Variants in FHDC1 observed in about 807,000 individuals in gnomAD.
FHDC1 encodes the protein FH2 domain containing 1, also known as FH2 domain-containing protein 1.
Under a neutral mutation model 52.6 loss-of-function variants are expected in FHDC1, and 25 were observed. The ratio of observed to expected loss-of-function variants is 0.48; its 90% CI spans 0.35 to 0.66. The LOEUF is 0.66. FHDC1 is among the 30% of genes least tolerant of loss of function. FHDC1 has a pLI of 0.01. For synonymous variants in FHDC1, 616 were observed against 581.5 expected, an observed-to-expected ratio of 1.06 and a Z score of -0.85; for missense variants, 1,459 against 1,452.8, an observed-to-expected ratio of 1.00 and a Z score of -0.07.
intron 4 of FHDC1, among the ~76,000 whole-genome samples, chr4:152,956,619 C>T (rs764770878): frequency 2.0e-5 from 3 of 152,066 alleles, no homozygotes; most frequent in Non-Finnish European, 2.9e-5. Context: ...CTTGAATCCC[C>T]GAGACTCTGT....
At chr4:152,927,619 A>G in the FHDC1 span, 8 of 1,605,706 alleles carry the variant, frequency 5.0e-6, no homozygotes, top group Non-Finnish European at 6.8e-6. Flanking sequence ...ATGAAAGGCT[A>G]CAGGAACAGA....
chr4:152,935,385 T>C (rs1442790979), upstream of FHDC1, among the ~76,000 whole-genome samples: 1 of 152,118 alleles, frequency 6.6e-6, no homozygotes, highest in African/African-American at 2.4e-5. Context: ...ACAGTGGATT[T>C]TCGGTCAGCC....
At chr4:152,936,800 C>G (rs538140578) in intron 1 of FHDC1, among the ~76,000 whole-genome samples, 259 of 152,384 alleles carry the variant, frequency 1.7e-3, no homozygotes, top group Admixed American at 4.7e-3. Context: ...ATCAACCGCC[C>G]CCTAGTTTAT....
intron 2 of FHDC1, among the ~76,000 whole-genome samples, chr4:152,952,322 A>G (rs1739951450): frequency 6.6e-6 from 1 of 152,122 alleles, no homozygotes; most frequent in Non-Finnish European, 1.5e-5. Flanking sequence ...TCTCAGTTCA[A>G]ATCTCACGCG....
At chr4:152,954,999 T>G (rs1176000706) in intron 4 of FHDC1, among the ~76,000 whole-genome samples, 4 of 152,084 alleles carry the variant, frequency 2.6e-5, no homozygotes, top group Non-Finnish European at 4.4e-5. Context: ...ACGTGGGAGC[T>G]CAATAAATTC....
chr4:152,970,373 T>C (rs1312240609), intron 10 of FHDC1, among the ~76,000 whole-genome samples: 1 of 152,230 alleles, frequency 6.6e-6, no homozygotes, highest in East Asian at 1.9e-4. Context: ...CCTAATCATG[T>C]AGAACTCCTG....
chr4:152,946,176 G>T (rs976004805), intron 2 of FHDC1, among the ~76,000 whole-genome samples: 1 of 152,192 alleles, frequency 6.6e-6, no homozygotes, highest in Non-Finnish European at 1.5e-5. Context: ...GAATAATGCC[G>T]CTGTGTACAT....
At chr4:152,932,773 G>A (rs558258808), upstream of FHDC1, among the ~76,000 whole-genome samples, 11 of 152,176 alleles carry the variant, frequency 7.2e-5, no homozygotes, top group Non-Finnish European at 1.5e-4. Context: ...CTCCTTAAGC[G>A]AATACTAAAA....
In FHDC1 at chr4:152,976,837, C is replaced by A; in HGVS notation, c.*114C>A. ...GTTACAGATAAAGCAGCCACTGGTG[C>A]CACTGCTAGTGACGCTGTTGGGATG... On this transcript the variant is annotated 3_prime_UTR_variant, in exon 12 of 12. Coordinates refer to ENST00000511601, the MANE Select transcript of FHDC1 (RefSeq NM_001371116.1). The A allele has an allele frequency of 1.5e-6, 2 of 1,328,944 alleles. No homozygotes were observed. Among genetic ancestry groups the A allele is most frequent in the Non-Finnish European group, 2.0e-6 (2 of 1,001,988 alleles). 82.3% of individuals were successfully genotyped at this position (1,328,944 alleles called of 1,614,324 possible). A position where few individuals can be genotyped will look rare whatever the true frequency, so the allele number is the denominator to read the frequency against.
the FHDC1 span, among the ~76,000 whole-genome samples, chr4:152,926,649 T>C: frequency 6.6e-6 from 1 of 152,018 alleles, no homozygotes; most frequent in Non-Finnish European, 1.5e-5. Context: ...TAAAAAATCT[T>C]TCCCTTTTTT....
At chr4:152,952,226 C>T (rs1473384485) in intron 2 of FHDC1, among the ~76,000 whole-genome samples, 1 of 152,242 alleles carries the variant, frequency 6.6e-6, no homozygotes, top group East Asian at 1.9e-4. Flanking sequence ...AATGATGTTT[C>T]CGAAATATGA....
chr4:152,974,176 G>A (rs1164537888), intron 11 of FHDC1, among the ~76,000 whole-genome samples: 4 of 152,332 alleles, frequency 2.6e-5, no homozygotes, highest in Middle Eastern at 3.4e-3. Flanking sequence ...GATCCATGCT[G>A]CACAGAAGTA....
At position 152,943,420 on chromosome 4, in the gene FHDC1, C is replaced by T. The variant is rs1274862430; in HGVS notation, c.363C>T (p.Ala121=). The change falls in exon 2 of 12, where the codon GCC becomes GCT. Residue 121 remains alanine (A), a synonymous_variant. Coordinates refer to ENST00000511601, the MANE Select transcript of FHDC1 (RefSeq NM_001371116.1). ...AAACCAACATCTGGACCTTGGCAGC[C>T]AGGCAGGAACATCACTACCAAATTG... ...RGKTNIWTLA[A]RQEHHYQIDT... 1 of 1,614,122 alleles carries T rather than the reference C, an allele frequency of 6.2e-7. No individual in the cohort carries two copies. The highest frequency in any genetic ancestry group is 2.2e-5 in the East Asian group (1 of 44,884).
intron 4 of FHDC1, among the ~76,000 whole-genome samples, chr4:152,959,344 T>G (rs537990936): frequency 6.6e-6 from 1 of 152,366 alleles, no homozygotes; most frequent in East Asian, 1.9e-4. Context: ...GTTTGAAAAC[T>G]TTCCTTTCAT....
chr4:152,928,647 G>A, the FHDC1 span, among the ~76,000 whole-genome samples: 1 of 152,178 alleles, frequency 6.6e-6, no homozygotes, highest in Non-Finnish European at 1.5e-5. Context: ...GTGTTGTTTG[G>A]TTCTACTGCA....
At position 152,979,043 on chromosome 4, in the gene FHDC1, A is replaced by G. The variant is rs559370079; in HGVS notation, c.*2320A>G. ...CAAAACAGTTCAAAGCATAAGGTCCATGGTGGTGGAAAATGGATGCAAGTG... is the reference window on the plus strand; with the variant it reads ...CAAAACAGTTCAAAGCATAAGGTCCGTGGTGGTGGAAAATGGATGCAAGTG... On this transcript the variant is annotated 3_prime_UTR_variant, in exon 12 of 12. Transcript: ENST00000511601. 1 of 152,270 alleles carries G rather than the reference A, an allele frequency of 6.6e-6. No individual in the cohort carries two copies. The highest frequency in any genetic ancestry group is 1.5e-5 in the Non-Finnish European group (1 of 68,062). 9.4% of individuals were successfully genotyped at this position (152,270 alleles called of 1,614,324 possible).
chr4:152,964,124 A>G (rs1740380818), intron 8 of FHDC1, among the ~76,000 whole-genome samples: 1 of 152,090 alleles, frequency 6.6e-6, no homozygotes, highest in Non-Finnish European at 1.5e-5. Context: ...GAGTAGTGAT[A>G]ACTTACCCCA....
chr4:152,929,313 A>G, the FHDC1 span, among the ~76,000 whole-genome samples: 1 of 152,204 alleles, frequency 6.6e-6, no homozygotes, highest in East Asian at 1.9e-4. This position sits in a 1 kb window ranked among gnomAD's most constrained non-coding sequence, Gnocchi z 4.1. Context: ...GGTCTGGCTT[A>G]GTGAAACAAT....
At chr4:152,946,143 T>C (rs1395039577) in intron 2 of FHDC1, among the ~76,000 whole-genome samples, 1 of 152,260 alleles carries the variant, frequency 6.6e-6, no homozygotes, top group Non-Finnish European at 1.5e-5. Flanking sequence ...ACAGCTGGGT[T>C]GCTTCCACCT....
Sources: gnomAD v4.1 joint callset for allele counts (sites outside exome capture counted in the v4.1 genomes callset) on GRCh38, gnomAD v4.1.1 for gene constraint, Gnocchi (gnomAD v3.1) non-coding constraint, MANE v1.5 for transcripts, NCBI Gene and HGNC (gene_info 2026-07-23, HGNC 2026-07-21) for gene names.